The following TANC2 variants were observed in gnomAD, a reference collection of about 807,000 sequenced individuals.
The protein encoded by TANC2 is protein TANC2.
A neutral mutation model predicts 210.5 loss-of-function variants in TANC2; 26 were observed. That is an observed-to-expected ratio of 0.12 (90% CI 0.09 to 0.17). The LOEUF (loss-of-function observed/expected upper bound fraction) is 0.17, where lower values mean the gene tolerates loss of function less well. TANC2 is among the 10% of genes least tolerant of loss of function. The pLI is 1.00. For synonymous variants in TANC2, 931 were observed against 967.1 expected (o/e 0.96, Z 0.69); for missense variants, 2,129 against 2,608.9 (o/e 0.82, Z 4.01).
intron 1 of TANC2, among the ~76,000 whole-genome samples, chr17:62,993,000 C>T (rs183932526): frequency 2.6e-5 from 4 of 152,280 alleles, no homozygotes; most frequent in Non-Finnish European, 5.9e-5. Flanking sequence ...TTCTGGAGGC[C>T]ATCTGCGTTA....
intron 1 of TANC2, among the ~76,000 whole-genome samples, chr17:63,001,294 T>C (rs2033367573): frequency 6.6e-6 from 1 of 152,170 alleles, no homozygotes; most frequent in Non-Finnish European, 1.5e-5. Context: ...CTTGATTCCC[T>C]GGTACACATT....
At chr17:63,273,830 C>A (rs1265027631) in intron 9 of TANC2, among the ~76,000 whole-genome samples, 4 of 152,166 alleles carry the variant, frequency 2.6e-5, no homozygotes, top group Admixed American at 6.5e-5. Context: ...AATGCAGATT[C>A]TTTAGCCCCA....
intron 2 of TANC2, among the ~76,000 whole-genome samples, chr17:63,030,414 AG>A (rs979391481): frequency 5.3e-5 from 8 of 152,138 alleles, no homozygotes; most frequent in Non-Finnish European, 7.4e-5. Context: ...TGCCATTTTC[AG>A]TGTATTGTTT....
chr17:63,193,525 T>C (rs897305701), intron 5 of TANC2, among the ~76,000 whole-genome samples: 3 of 152,234 alleles, frequency 2.0e-5, no homozygotes, highest in Non-Finnish European at 2.9e-5. Flanking sequence ...TGTGATGCTG[T>C]TGTTTTGGCA....
intron 14 of TANC2, among the ~76,000 whole-genome samples, chr17:63,370,255 T>A (rs907607476): frequency 6.6e-6 from 1 of 150,784 alleles, no homozygotes; most frequent in African/African-American, 2.5e-5. Context: ...CTCGGCTCAC[T>A]GCAACTTCCG....
chr17:62,975,837 T>A (rs867181349), intron 1 of TANC2, among the ~76,000 whole-genome samples: 7 of 152,158 alleles, frequency 4.6e-5, no homozygotes, highest in Non-Finnish European at 8.8e-5. Context: ...CTTAGGACGA[T>A]GTCTAGTACT....
chr17:63,218,064 A>G (rs1026701710), intron 7 of TANC2, among the ~76,000 whole-genome samples: 4 of 152,194 alleles, frequency 2.6e-5, no homozygotes, highest in Admixed American at 6.5e-5. Flanking sequence ...TAGGAGGATC[A>G]CTTGAGGCCA....
At chr17:63,277,439 C>T (rs1465100178) in intron 9 of TANC2, among the ~76,000 whole-genome samples, 1 of 152,034 alleles carries the variant, frequency 6.6e-6, no homozygotes, top group Non-Finnish European at 1.5e-5. Context: ...TCTGGTCTTT[C>T]TGTCATCTAA....
intron 8 of TANC2, among the ~76,000 whole-genome samples, chr17:63,251,542 A>G (rs1304956720): frequency 6.6e-6 from 1 of 152,172 alleles, no homozygotes; most frequent in Non-Finnish European, 1.5e-5. Context: ...TGAAGCAAAG[A>G]GAAACTAAAA....
chr17:63,411,656 T>C, exon 22 of TANC2: 2 of 1,613,628 alleles, frequency 1.2e-6, no homozygotes, highest in South Asian at 1.1e-5. Context: ...CCCCACTGGA[T>C]CTGGCAGCTT....
intron 4 of TANC2, among the ~76,000 whole-genome samples, chr17:63,131,196 C>T (rs2038904540): frequency 6.6e-6 from 1 of 152,162 alleles, no homozygotes; most frequent in Admixed American, 6.5e-5. Context: ...ACTGATTCTC[C>T]ACCACAGTTT....
exon 13 of TANC2, chr17:63,351,318 C>G (rs1328411559): frequency 7.5e-6 from 12 of 1,609,992 alleles, no homozygotes; most frequent in African/African-American, 1.3e-5. Flanking sequence ...ATTTCACAAA[C>G]CGGATTATGG....
chr17:63,416,326 T>C (rs2147382569), intron 26 of TANC2, among the ~76,000 whole-genome samples: 1 of 152,200 alleles, frequency 6.6e-6, no homozygotes, highest in African/African-American at 2.4e-5. Context: ...GTGAAGACAC[T>C]CCAAGCCAAG....
intron 8 of TANC2, among the ~76,000 whole-genome samples, chr17:63,264,084 A>G (rs780218908): frequency 2.0e-4 from 30 of 152,212 alleles, no homozygotes; most frequent in African/African-American, 2.7e-4. Flanking sequence ...ACCTTATTCT[A>G]TCCTCCTTGG....
rs145964576 is a variant in TANC2 at position 63,343,818 on chromosome 17, C to T, written c.1807+3486C>T. On this transcript the variant is annotated intron_variant, in intron 12 of 27. Transcript: ENST00000689528. ...GGCTGAGGCAGGAGGATCACTTGAA[C>T]CCAGGAGGTCAAGGCTGCAGTGAAC... Among the ~76,000 whole-genome samples the T allele has an allele frequency of 7.6e-3, 1,158 of 152,240 alleles. 15 individuals carry two copies. Among genetic ancestry groups the T allele is most frequent in the African/African-American group, 0.025 (1,056 of 41,514 alleles).
chr17:63,062,689 A>T (rs974392510), intron 2 of TANC2, among the ~76,000 whole-genome samples: 3 of 152,014 alleles, frequency 2.0e-5, no homozygotes, highest in Non-Finnish European at 4.4e-5. Flanking sequence ...GATGCTCATT[A>T]AGTTTCAGGT....
intron 2 of TANC2, among the ~76,000 whole-genome samples, chr17:63,047,608 A>G (rs2035432299): frequency 6.6e-6 from 1 of 152,196 alleles, no homozygotes; most frequent in South Asian, 2.1e-4. Context: ...TGAGACATCC[A>G]AGTGGGTATT....
At chr17:63,390,709 C>G (rs1057046229) in intron 17 of TANC2, 1 of 152,106 alleles carries the variant, frequency 6.6e-6, no homozygotes, top group Non-Finnish European at 1.5e-5. Flanking sequence ...AAGAGATCCT[C>G]CCACTGTGGC....
At chr17:62,976,971 A>G (rs1479577583) in intron 1 of TANC2, among the ~76,000 whole-genome samples, 1 of 152,194 alleles carries the variant, frequency 6.6e-6, no homozygotes, top group Non-Finnish European at 1.5e-5. Flanking sequence ...GTTCCAGCCG[A>G]TGGAAACCAG....
Sources: gnomAD v4.1 joint callset for allele counts (sites outside exome capture counted in the v4.1 genomes callset) on GRCh38, gnomAD v4.1.1 for gene constraint, MANE v1.5 for transcripts, NCBI Gene and HGNC (gene_info 2026-07-23, HGNC 2026-07-21) for gene names.